Variants in MAP3K1 observed in about 807,000 individuals in gnomAD.
MAP3K1 encodes MAP/ERK kinase kinase 1.
In MAP3K1, 36 loss-of-function variants were observed where a neutral mutation model predicts 144.2. The ratio of observed to expected loss-of-function variants is 0.25; its 90% CI spans 0.19 to 0.33. The LOEUF is 0.33. MAP3K1 is among the 10% of genes least tolerant of loss of function. The pLI is 1.00. For synonymous variants in MAP3K1, 718 were observed against 688.7 expected (o/e 1.04, Z -0.67); for missense variants, 1,650 against 1,881.9 (o/e 0.88, Z 2.28).
Position 56,893,814 on chromosome 5 carries a change from AC to A in MAP3K1, c.*136del, listed in dbSNP as rs1748623300. The stretch of plus-strand genomic sequence containing the variant: ...TGAACGAGGCCAGTGGGGAACCCTT[AC>A]CTAAGTATGTGATTGACAAATCATG... On this transcript the variant is annotated 3_prime_UTR_variant, in exon 20 of 20. Coordinates refer to ENST00000399503, the MANE Select transcript of MAP3K1 (RefSeq NM_005921.2). 1.1e-6 allele frequency: 1 copy of A among 912,966 alleles called. No individual in the cohort carries two copies. The highest frequency in any genetic ancestry group is 2.0e-5 in the Admixed American group (1 of 49,686). 56.6% of individuals were successfully genotyped at this position (912,966 alleles called of 1,614,324 possible). A position where few individuals can be genotyped will look rare whatever the true frequency, so the allele number is the denominator to read the frequency against.
At chr5:56,831,746 TAAG>T (rs1746501292) in intron 1 of MAP3K1, among the ~76,000 whole-genome samples, 1 of 152,226 alleles carries the variant, frequency 6.6e-6, no homozygotes, top group East Asian at 1.9e-4. Flanking sequence ...TCACAAGAGT[TAAG>T]GAGACCTACT....
rs190122632 is a variant in MAP3K1 at position 56,845,076 on chromosome 5, T to G, written c.483-11524T>G. Among the ~76,000 whole-genome samples, 3 of 152,326 alleles carry G rather than the reference T, an allele frequency of 2.0e-5. No homozygotes were observed. The East Asian group carries it at 5.8e-4, about 29-fold the overall frequency. On this transcript the variant is annotated intron_variant, in intron 1 of 19. Coordinates refer to ENST00000399503, the MANE Select transcript of MAP3K1 (RefSeq NM_005921.2). ...TTTAATCTCAGAGCATTAAAAACAGTTAAGGGCTTTTTTAAAATAGAAGGT... is the reference window on the plus strand; with the variant it reads ...TTTAATCTCAGAGCATTAAAAACAGGTAAGGGCTTTTTTAAAATAGAAGGT...
At chr5:56,828,545 A>G (rs1746387223) in intron 1 of MAP3K1, among the ~76,000 whole-genome samples, 1 of 152,260 alleles carries the variant, frequency 6.6e-6, no homozygotes. Context: ...AGCTTAGAAA[A>G]AAGAAATCAT....
At chr5:56,874,557 T>C (rs1747955864) in intron 9 of MAP3K1, among the ~76,000 whole-genome samples, 1 of 152,242 alleles carries the variant, frequency 6.6e-6, no homozygotes, top group Non-Finnish European at 1.5e-5. Flanking sequence ...TGCTTATTGC[T>C]CTTGTCTGTA....
intron 1 of MAP3K1, among the ~76,000 whole-genome samples, chr5:56,816,431 A>C (rs1018780351): frequency 4.6e-5 from 7 of 151,704 alleles, no homozygotes; most frequent in African/African-American, 1.7e-4. Context: ...GCGCCCCCGG[A>C]CGGGTGTCCC....
At chr5:56,855,956 A>G (rs1003027138) in intron 1 of MAP3K1, among the ~76,000 whole-genome samples, 1 of 152,192 alleles carries the variant, frequency 6.6e-6, no homozygotes, top group African/African-American at 2.4e-5. Context: ...TGTAGAGTTA[A>G]TTCTCAAACG....
chr5:56,875,271 C>A lies in MAP3K1; in HGVS notation c.1926C>A (p.Val642=), dbSNP rs867527029. The change falls in exon 10 of 20, where the codon GTC becomes GTA. Residue 642 remains valine, a synonymous_variant. Coordinates refer to ENST00000399503, the MANE Select transcript of MAP3K1 (RefSeq NM_005921.2). The stretch of plus-strand genomic sequence containing the variant: ...CATGCTGCAGCGTTCTGTCAATGGT[C>A]TGTGCTGACCCTGTCTACAAAGTGT... ...VEACCSVLSM[V]CADPVYKVYV... 3 of 1,614,138 alleles carry A rather than the reference C, an allele frequency of 1.9e-6. No homozygotes were observed. The Middle Eastern group carries it at 5.0e-4, about 267-fold the overall frequency.
Position 56,856,589 on chromosome 5 carries a change from C to G in MAP3K1, c.483-11C>G, listed in dbSNP as rs832567. 1.2e-6 allele frequency: 2 copies of G among 1,605,922 alleles called. No individual in the cohort carries two copies. The highest frequency in any genetic ancestry group is 1.3e-5 in the African/African-American group (1 of 74,746). On this transcript the variant is annotated splice_polypyrimidine_tract_variant and intron_variant, in intron 1 of 19. Coordinates refer to ENST00000399503, the MANE Select transcript of MAP3K1 (RefSeq NM_005921.2). ...CATTTCTCATTTTATTTGTTTCTGC[C>G]TGCATTTTAGTCGTGAGATGGAGAA...
chr5:56,859,630 A>T, intron 2 of MAP3K1, 85 bp from the exon 3 acceptor site: 1 of 945,330 alleles, frequency 1.1e-6, no homozygotes, highest in Non-Finnish European at 1.7e-6. Context: ...AAAACTCATT[A>T]AGTGTATTTC....
At chr5:56,821,187 A>T (rs776047570) in intron 1 of MAP3K1, among the ~76,000 whole-genome samples, 14 of 152,322 alleles carry the variant, frequency 9.2e-5, no homozygotes, top group Non-Finnish European at 1.8e-4. Flanking sequence ...TGATTGAGTT[A>T]TGTTTGGTAT....
chr5:56,882,315 T>C lies in MAP3K1; in HGVS notation c.3115T>C (p.Ser1039Pro), dbSNP rs148803468. 6 of 1,614,110 alleles carry C rather than the reference T, an allele frequency of 3.7e-6. No homozygotes were observed. The East Asian group carries it at 1.1e-4, about 30-fold the overall frequency. The change falls in exon 14 of 20, where the codon TCA becomes CCA. Residue 1039 changes from serine to proline, a missense_variant. Ser to Pro is a moderately conservative substitution (Grantham distance 74). Coordinates refer to ENST00000399503, the MANE Select transcript of MAP3K1 (RefSeq NM_005921.2). ...FHRNCPENKD[S>P]DKLSPVFTQS... ...CAGAAACTGTCCTGAAAACAAAGAC[T>C]CAGATAAACTTTCCCCAGTCTTTAC...
chr5:56,868,947 C>G (rs2111902947), intron 6 of MAP3K1, among the ~76,000 whole-genome samples: 1 of 152,078 alleles, frequency 6.6e-6, no homozygotes, highest in Middle Eastern at 3.4e-3. Context: ...CAAAATAAGC[C>G]AGTCACAAAA....
chr5:56,895,618 T>C lies in MAP3K1; in HGVS notation c.*1938T>C, dbSNP rs1038319569. 4.3e-6 allele frequency: 1 copy of C among 232,198 alleles called. No homozygotes were observed. Among genetic ancestry groups the C allele is most frequent in the East Asian group, 6.1e-5 (1 of 16,426 alleles). The allele number at this position is 232,198 out of a possible 1,614,324, so 14.4% of individuals were successfully genotyped here. A position where few individuals can be genotyped will look rare whatever the true frequency, so the allele number is the denominator to read the frequency against. On this transcript the variant is annotated 3_prime_UTR_variant, in exon 20 of 20. Transcript: ENST00000399503. ...AACTATCTGTAGATTTCAAAATCCA[T>C]TGTGTTTGAGTTTGTTTGCAGTTCC... is the stretch of plus-strand genomic sequence containing the variant.
intron 18 of MAP3K1, 82 bp downstream of exon 18, chr5:56,887,602 G>T: frequency 7.0e-7 from 1 of 1,438,344 alleles, no homozygotes; most frequent in East Asian, 2.3e-5. Context: ...TCTTGCAGTG[G>T]TATCCAGTAT....
intron 1 of MAP3K1, among the ~76,000 whole-genome samples, chr5:56,819,062 A>G (rs1408483565): frequency 1.3e-5 from 2 of 152,200 alleles, no homozygotes; most frequent in African/African-American, 4.8e-5. Flanking sequence ...GTAAGTTTTT[A>G]GTTAAGAATG....
chr5:56,864,978 G>A (rs775950709), intron 4 of MAP3K1, 44 bp downstream of exon 4: 1 of 1,501,004 alleles, frequency 6.7e-7, no homozygotes, highest in Non-Finnish European at 9.3e-7. Context: ...AGTAGTATAT[G>A]GTACTACCTC....
In MAP3K1 at chr5:56,865,365, T is replaced by C; in HGVS notation, c.1061T>C (p.Phe354Ser). The C allele has an allele frequency of 1.2e-6, 2 of 1,610,784 alleles. No homozygotes were observed. Among genetic ancestry groups the C allele is most frequent in the South Asian group, 2.2e-5 (2 of 91,006 alleles). The change falls in exon 5 of 20, where the codon TTC becomes TCC. Residue 354 changes from phenylalanine to serine, a missense_variant. By Grantham distance (155) the Phe-to-Ser change is radical. This residue lies in a region of MAP3K1 where 125 missense variants were observed against 179.9 expected (regional missense o/e 0.69). Transcript: ENST00000399503. Reference protein sequence around the residue: ...PQNCSCARGTFCIHLLFVMLR... With the variant: ...PQNCSCARGTSCIHLLFVMLR... Reference sequence around the variant, plus strand: ...AACTGCAGCTGTGCACGTGGAACATTCTGTATTCATCTGCTATTTGTGATG... The same window carrying C: ...AACTGCAGCTGTGCACGTGGAACATCCTGTATTCATCTGCTATTTGTGATG...
At chr5:56,875,740 A>T (rs1748005476) in intron 10 of MAP3K1, among the ~76,000 whole-genome samples, 1 of 152,172 alleles carries the variant, frequency 6.6e-6, no homozygotes, top group Non-Finnish European at 1.5e-5. Flanking sequence ...AGGGTGAGCT[A>T]GACAAGCTTG....
At chr5:56,886,209 G>C in intron 17 of MAP3K1, 146 bp downstream of exon 17, 1 of 645,022 alleles carries the variant, frequency 1.6e-6, no homozygotes, top group Admixed American at 2.4e-5. Context: ...CTCGAGACCA[G>C]CCAGGCCAAC....
Sources: allele counts gnomAD v4.1 joint callset (sites outside exome capture counted in the v4.1 genomes callset), GRCh38; gene constraint gnomAD v4.1.1; regional missense constraint gnomAD v4.1.1; transcripts MANE v1.5; gene names NCBI Gene and HGNC (gene_info 2026-07-23, HGNC 2026-07-21).